ZNF710: variants seen among roughly 807,000 people sequenced by gnomAD.
ZNF710 encodes the protein zinc finger protein 710.
In ZNF710, 13 loss-of-function variants were observed where a neutral mutation model predicts 50.6. The observed-to-expected ratio is 0.26, with a 90% CI of 0.17 to 0.41. The LOEUF is 0.41. Ranked by LOEUF, ZNF710 falls within the 10% of genes least tolerant of loss-of-function variation. ZNF710 has a pLI of 1.00. For synonymous variants in ZNF710, 383 were observed against 397.0 expected, an observed-to-expected ratio of 0.96 and a Z score of 0.42; for missense variants, 721 against 936.6, an observed-to-expected ratio of 0.77 and a Z score of 3.01.
Position 90,068,717 on chromosome 15 carries a change from A to C in ZNF710, c.1458+122A>C. On this transcript the variant is annotated intron_variant, in intron 2 of 4. Coordinates refer to ENST00000268154, the MANE Select transcript of ZNF710 (RefSeq NM_198526.4). The surrounding 1 kb of genome is among the most constrained non-coding windows in gnomAD (Gnocchi z 5.0). ...CTCCTAGTTTTATCGTTACGTACTT[A>C]TTTTGATGAGTATTAGAAATCAATT... The C allele has an allele frequency of 9.0e-7, 1 of 1,114,000 alleles. No homozygotes were observed. The highest frequency in any genetic ancestry group is 1.3e-6 in the Non-Finnish European group (1 of 789,922). The allele number at this position is 1,114,000 out of a possible 1,614,324, so 69.0% of individuals were successfully genotyped here.
Position 90,034,567 on chromosome 15 carries a change from C to T in ZNF710, c.-28-32543C>T, listed in dbSNP as rs1374977014. Among the ~76,000 whole-genome samples, 1 of 151,952 alleles carries T rather than the reference C, an allele frequency of 6.6e-6. No individual in the cohort carries two copies. The highest frequency in any genetic ancestry group is 1.5e-5 in the Non-Finnish European group (1 of 67,974). On this transcript the variant is annotated intron_variant, in intron 1 of 4. Coordinates refer to ENST00000268154, the MANE Select transcript of ZNF710 (RefSeq NM_198526.4). This position sits in a 1 kb window ranked among gnomAD's most constrained non-coding sequence, Gnocchi z 4.0. ...GGTTTCCTGCTGATTAACTCAGTTC[C>T]TGGAGGGCCCTCCCTAGCAGCAGGG...
chr15:90,008,321 A>T (rs987212378), intron 1 of ZNF710, among the ~76,000 whole-genome samples: 2 of 149,772 alleles, frequency 1.3e-5, no homozygotes, highest in Admixed American at 1.3e-4. Flanking sequence ...TCCAGTATGT[A>T]TTATCTTTAT....
At chr15:90,048,747 A>C (rs891670080) in intron 1 of ZNF710, among the ~76,000 whole-genome samples, 6 of 152,202 alleles carry the variant, frequency 3.9e-5, no homozygotes, top group Non-Finnish European at 8.8e-5. Context: ...ATTTCAGAAA[A>C]GAGGTAGCAT....
intron 1 of ZNF710, among the ~76,000 whole-genome samples, chr15:90,063,065 C>T (rs1408327000): frequency 2.0e-5 from 3 of 152,112 alleles, no homozygotes; most frequent in African/African-American, 7.2e-5. Context: ...TTCCCCCAGC[C>T]GGCTGGGGCC....
chr15:90,058,335 C>A (rs10162839), intron 1 of ZNF710, among the ~76,000 whole-genome samples: 16,607 of 152,100 alleles, frequency 0.11, 3,024 homozygotes, highest in African/African-American at 0.38. Flanking sequence ...CTCTTGCTAA[C>A]TAATTTGGAG....
chr15:90,033,613 C>T (rs545692576), intron 1 of ZNF710, among the ~76,000 whole-genome samples: 9 of 152,266 alleles, frequency 5.9e-5, no homozygotes, highest in Middle Eastern at 3.4e-3. Flanking sequence ...AGTGTCTGTT[C>T]ACAGGCATGA....
intron 1 of ZNF710, among the ~76,000 whole-genome samples, chr15:90,061,665 C>T (rs1220529792): frequency 1.3e-5 from 2 of 152,192 alleles, no homozygotes; most frequent in East Asian, 3.8e-4. Context: ...ACCCGACCCT[C>T]CTCTGCTCCT....
intron 4 of ZNF710, chr15:90,075,618 T>A (rs1190593279): frequency 6.6e-6 from 1 of 152,228 alleles, no homozygotes; most frequent in Non-Finnish European, 1.5e-5. Context: ...CACGTGGGAT[T>A]ATTTACTGGA....
rs1900032436 is a variant in ZNF710, at chr15:90,062,222, C to CTG, written c.-28-4887_-28-4886insGT. Among the ~76,000 whole-genome samples the CTG allele has an allele frequency of 6.7e-6, 1 of 148,516 alleles. No homozygotes were observed. Among genetic ancestry groups the CTG allele is most frequent in the African/African-American group, 2.5e-5 (1 of 40,508 alleles). ...TCATTTCTTCTCTCCCTCTCCCTTT[C>CTG]TCTCTCTCTCTCTCTGATATGTCCT... On this transcript the variant is annotated intron_variant, in intron 1 of 4. Transcript: ENST00000268154. This position sits in a 1 kb window ranked among gnomAD's most constrained non-coding sequence, Gnocchi z 5.6.
At chr15:90,015,371 T>C (rs566062880) in intron 1 of ZNF710, among the ~76,000 whole-genome samples, 2 of 152,320 alleles carry the variant, frequency 1.3e-5, no homozygotes, top group African/African-American at 2.4e-5. Context: ...GTACAACTTT[T>C]ATGGAGGAAA....
intron 1 of ZNF710, among the ~76,000 whole-genome samples, chr15:90,038,725 G>A (rs1463336791): frequency 6.8e-6 from 1 of 147,506 alleles, no homozygotes; most frequent in Non-Finnish European, 1.5e-5. Flanking sequence ...GTGTGTGTGT[G>A]TGTGTGTGTG....
chr15:90,006,747 G>C, intron 1 of ZNF710: 1 of 154,786 alleles, frequency 6.5e-6, no homozygotes, highest in East Asian at 1.9e-4. Context: ...CCATGGACCA[G>C]CATCAGCGTT....
rs1477158157 is a variant in ZNF710 at position 90,034,987 on chromosome 15, C to T, written c.-28-32123C>T. Among the ~76,000 whole-genome samples the T allele has an allele frequency of 6.6e-6, 1 of 152,220 alleles. No homozygotes were observed. The highest frequency in any genetic ancestry group is 2.4e-5 in the African/African-American group (1 of 41,452). On this transcript the variant is annotated intron_variant, in intron 1 of 4. Transcript: ENST00000268154. The surrounding 1 kb of genome is among the most constrained non-coding windows in gnomAD (Gnocchi z 4.0). Reference sequence around the variant, plus strand: ...GCTGGTAGAAGGGGTGTCTGGAGGGCCTCTGCCTTCCGTCATCAGAAGGAG... The same window carrying T: ...GCTGGTAGAAGGGGTGTCTGGAGGGTCTCTGCCTTCCGTCATCAGAAGGAG...
At chr15:90,017,391 G>C (rs1025239641) in intron 1 of ZNF710, among the ~76,000 whole-genome samples, 1 of 152,144 alleles carries the variant, frequency 6.6e-6, no homozygotes, top group Non-Finnish European at 1.5e-5. Context: ...TAATTTACAG[G>C]CTATAGCTTC....
intron 1 of ZNF710, among the ~76,000 whole-genome samples, chr15:90,064,440 C>T (rs1340972380): frequency 1.3e-5 from 2 of 152,198 alleles, no homozygotes; most frequent in South Asian, 2.1e-4. Context: ...GGCTCTGTGG[C>T]TTTTTTCAGA....
At chr15:90,021,071 T>C (rs1227714109) in intron 1 of ZNF710, among the ~76,000 whole-genome samples, 1 of 133,814 alleles carries the variant, frequency 7.5e-6, no homozygotes, top group Non-Finnish European at 1.7e-5. Flanking sequence ...CAGCCCTGGG[T>C]TCCTTGCTAT....
At chr15:90,000,603 G>T (rs1305552661), upstream of ZNF710, among the ~76,000 whole-genome samples, 1 of 152,214 alleles carries the variant, frequency 6.6e-6, no homozygotes, top group Non-Finnish European at 1.5e-5. Context: ...GAGTCAGGCC[G>T]TCCAGGGCTC....
chr15:90,074,245 A>G lies in ZNF710; in HGVS notation c.1780A>G (p.Met594Val). The G allele has an allele frequency of 6.2e-7, 1 of 1,613,754 alleles. No individual in the cohort carries two copies. Among genetic ancestry groups the G allele is most frequent in the Non-Finnish European group, 8.5e-7 (1 of 1,179,910 alleles). ...TCTCAAGGGCAACCTGAGCCGGCAC[A>G]TGAAGGTCAAGCATGGCGTCATGGA... Reference protein sequence around the residue: ...FNLKGNLSRHMKVKHGVMDIG... With the variant: ...FNLKGNLSRHVKVKHGVMDIG... Residue 594 changes from methionine (M) to valine (V), a missense_variant, in exon 4 of 5, where the codon ATG becomes GTG. This residue lies in a region of ZNF710 where 326 missense variants were observed against 522.0 expected (regional missense o/e 0.62). Coordinates refer to ENST00000268154, the MANE Select transcript of ZNF710 (RefSeq NM_198526.4).
At chr15:90,038,707 C>CTGTGTGTGTGTG (rs144152063) in intron 1 of ZNF710, among the ~76,000 whole-genome samples, 18,536 of 143,418 alleles carry the variant, frequency 0.13, 1,547 homozygotes, top group East Asian at 0.4. Flanking sequence ...CCTCCCTGCT[C>CTGTGTGTGTGTG]TGTGTGTGTG....
Sources: gnomAD v4.1 joint callset for allele counts (sites outside exome capture counted in the v4.1 genomes callset) on GRCh38, gnomAD v4.1.1 for gene constraint, gnomAD v4.1.1 regional missense constraint, Gnocchi (gnomAD v3.1) non-coding constraint, MANE v1.5 for transcripts, NCBI Gene and HGNC (gene_info 2026-07-23, HGNC 2026-07-21) for gene names.